GSAP: variants seen among roughly 807,000 people sequenced by gnomAD.
GSAP encodes gamma-secretase-activating protein.
In GSAP, 118 loss-of-function variants were observed where a neutral mutation model predicts 131.7. The observed-to-expected ratio is 0.90, with a 90% CI of 0.77 to 1.04. The LOEUF (loss-of-function observed/expected upper bound fraction) is 1.04, where lower values mean the gene tolerates loss of function less well. GSAP is among the 50% of genes least tolerant of loss of function. The pLI, the probability that GSAP is intolerant of heterozygous loss-of-function variation, is 0.00. For missense variants in GSAP, 1,019 were observed against 1,013.2 expected, an observed-to-expected ratio of 1.01 and a Z score of -0.08; for synonymous variants, 381 against 363.4, an observed-to-expected ratio of 1.05 and a Z score of -0.55.
At chr7:77,396,818 ATTT>A (rs58361495) in intron 5 of GSAP, among the ~76,000 whole-genome samples, 161 bp downstream of exon 5, 2 of 151,742 alleles carry the variant, frequency 1.3e-5, no homozygotes, top group Non-Finnish European at 2.9e-5. Context: ...TGAAAAAAAA[ATTT>A]TTTTTAAGTC....
chr7:77,326,568 G>T (rs923113598), intron 22 of GSAP: 1 of 243,506 alleles, frequency 4.1e-6, no homozygotes, highest in Non-Finnish European at 8.0e-6. Flanking sequence ...TGCTCCACTG[G>T]AAACAGAGGG....
At chr7:77,396,818 AT>A (rs58361495) in intron 5 of GSAP, among the ~76,000 whole-genome samples, 163 bp downstream of exon 5, 6,404 of 151,844 alleles carry the variant, frequency 0.042, 451 homozygotes, top group African/African-American at 0.15. Context: ...TGAAAAAAAA[AT>A]TTTTTTTAAG....
chr7:77,364,233 G>T (rs1195391417), intron 12 of GSAP, among the ~76,000 whole-genome samples: 1 of 151,936 alleles, frequency 6.6e-6, no homozygotes, highest in African/African-American at 2.4e-5. Context: ...TTTCACAGAG[G>T]GTTAAATATA....
At chr7:77,409,499 C>T (rs1446058618) in intron 1 of GSAP, among the ~76,000 whole-genome samples, 1 of 152,062 alleles carries the variant, frequency 6.6e-6, no homozygotes, top group Non-Finnish European at 1.5e-5. Flanking sequence ...AAAAGGTAAA[C>T]AGAACAATGG....
At chr7:77,313,417 T>G in intron 28 of GSAP, 71 bp downstream of exon 28, 1 of 796,498 alleles carries the variant, frequency 1.3e-6, no homozygotes, top group Non-Finnish European at 2.1e-6. Context: ...TAAATGCTCT[T>G]TTTGCAAGAA....
At chr7:77,405,786 G>A (rs941468005) in intron 2 of GSAP, among the ~76,000 whole-genome samples, 3 of 152,138 alleles carry the variant, frequency 2.0e-5, no homozygotes, top group Admixed American at 6.5e-5. Flanking sequence ...TGATCTGCCC[G>A]TTGCAGCCTT....
intron 19 of GSAP, among the ~76,000 whole-genome samples, chr7:77,334,579 TTAAAAAAAAAAAA>T (rs1264183989): frequency 1.2e-5 from 1 of 82,386 alleles, no homozygotes; most frequent in African/African-American, 4.9e-5. Flanking sequence ...AACTTAAAAT[TTAAAAAAAAAAAA>T]AAAAAAAAAA....
At chr7:77,312,782 G>A (rs1338611745) in intron 28 of GSAP, among the ~76,000 whole-genome samples, 1 of 152,234 alleles carries the variant, frequency 6.6e-6, no homozygotes, top group Non-Finnish European at 1.5e-5. Flanking sequence ...CCGTTCGTGA[G>A]AGGACAGTGC....
intron 3 of GSAP, among the ~76,000 whole-genome samples, chr7:77,398,408 GATTCTAAATTATTACTAAGAAGAATCTA>G (rs1563118419): frequency 2.0e-5 from 3 of 152,090 alleles, no homozygotes; most frequent in Admixed American, 1.3e-4. Context: ...CTAACTGAGG[GATTCTAAATTATTACTAAGAAGAATCTA>G]ATTCTAAATT....
chr7:77,349,426 AC>A, intron 18 of GSAP, 22 bp from the exon 19 acceptor site: 1 of 1,604,200 alleles, frequency 6.2e-7, no homozygotes, highest in Non-Finnish European at 8.5e-7. Context: ...AAAAACACAC[AC>A]ACACAGCTGC....
At chr7:77,356,587 G>C (rs1413759074) in intron 14 of GSAP, among the ~76,000 whole-genome samples, 1 of 152,128 alleles carries the variant, frequency 6.6e-6, no homozygotes, top group African/African-American at 2.4e-5. Context: ...ATATCAAGCT[G>C]ACTAGAATTC....
At chr7:77,392,409 G>A (rs1399102885) in intron 5 of GSAP, among the ~76,000 whole-genome samples, 5 of 151,904 alleles carry the variant, frequency 3.3e-5, no homozygotes, top group Non-Finnish European at 7.4e-5. Context: ...TTAGCCAGGC[G>A]TGGTGGCGCA....
intron 25 of GSAP, among the ~76,000 whole-genome samples, 190 bp downstream of exon 25, chr7:77,321,143 G>A (rs1420244844): frequency 6.6e-6 from 1 of 152,146 alleles, no homozygotes; most frequent in African/African-American, 2.4e-5. Context: ...TTTAATTTTA[G>A]CTTTTATTAT....
At chr7:77,341,127 T>G (rs1365396397) in intron 19 of GSAP, among the ~76,000 whole-genome samples, 1 of 152,162 alleles carries the variant, frequency 6.6e-6, no homozygotes, top group African/African-American at 2.4e-5. Context: ...CCGGATGATT[T>G]TTGTTGAAAA....
At chr7:77,407,027 G>A (rs1802396003) in intron 1 of GSAP, among the ~76,000 whole-genome samples, 1 of 152,156 alleles carries the variant, frequency 6.6e-6, no homozygotes, top group Non-Finnish European at 1.5e-5. Flanking sequence ...CTGGCCAGCG[G>A]GGCCTGAATC....
intron 10 of GSAP, among the ~76,000 whole-genome samples, chr7:77,375,438 T>G (rs887949771): frequency 6.6e-6 from 1 of 151,924 alleles, no homozygotes; most frequent in Non-Finnish European, 1.5e-5. Flanking sequence ...GATGACTGAG[T>G]AAGGAAGGAA....
chr7:77,314,629 C>T, intron 26 of GSAP, 140 bp from the exon 27 acceptor site: 1 of 835,362 alleles, frequency 1.2e-6, no homozygotes, highest in Non-Finnish European at 1.9e-6. Context: ...AAAACAAGGT[C>T]CAAGTTTCCT....
rs1293132115 is a variant in GSAP, at chr7:77,312,135, T to G, written c.2339A>C (p.His780Pro). Residue 780 changes from histidine (H) to proline (P), a missense_variant, in exon 29 of 31, where the codon CAC becomes CCC. Physicochemically the swap from His to Pro is moderately conservative, Grantham distance 77. Transcript: ENST00000257626. ...ATAGTTCTGAAGCAGTCGCGTCACG[T>G]GGTTCCGCGAAATGATGTTAGAACT... ...PMSSNIISRN[H>P]VTRLLQNYKK... 2 of 1,602,894 alleles carry G rather than the reference T, an allele frequency of 1.2e-6. No homozygotes were observed. Among genetic ancestry groups the G allele is most frequent in the African/African-American group, 1.3e-5 (1 of 74,370 alleles).
chr7:77,327,094 A>G (rs1788422775), intron 22 of GSAP: 2 of 152,196 alleles, frequency 1.3e-5, no homozygotes, highest in Admixed American at 1.3e-4. Flanking sequence ...ACAATTTAAC[A>G]TGTGAATCCA....
Sources: allele counts gnomAD v4.1 joint callset (sites outside exome capture counted in the v4.1 genomes callset), GRCh38; gene constraint gnomAD v4.1.1; transcripts MANE v1.5; gene names NCBI Gene and HGNC (gene_info 2026-07-23, HGNC 2026-07-21).